The following MYH14 variants were observed in gnomAD, a reference collection of about 807,000 sequenced individuals.
MYH14 encodes the protein myosin-14.
MYH14 carries 123 observed loss-of-function variants against 255.5 expected under a neutral mutation model. That is an observed-to-expected ratio of 0.48 (90% CI 0.42 to 0.56). The LOEUF is 0.56. Ranked by LOEUF, MYH14 falls within the 20% of genes least tolerant of loss-of-function variation. The pLI, the probability that MYH14 is intolerant of heterozygous loss-of-function variation, is 0.00. For missense variants in MYH14, 2,423 were observed against 2,802.3 expected (o/e 0.86, Z 3.06); for synonymous variants, 1,095 against 1,161.2 (o/e 0.94, Z 1.16).
intron 42 of MYH14, 114 bp downstream of exon 42, chr19:50,309,291 G>A (rs546472707): frequency 1.5e-5 from 16 of 1,055,678 alleles, no homozygotes; most frequent in South Asian, 1.5e-4. Flanking sequence ...ATCCACGGGG[G>A]TGTGGGGCTG....
intron 39 of MYH14, among the ~76,000 whole-genome samples, chr19:50,294,736 C>A (rs1468433523): frequency 1.6e-4 from 24 of 145,932 alleles, no homozygotes; most frequent in South Asian, 2.2e-4. Context: ...GACCCTGTCT[C>A]AAAAAAAAAA....
At chr19:50,274,126 G>A (rs1375765620) in intron 27 of MYH14, among the ~76,000 whole-genome samples, 1 of 152,106 alleles carries the variant, frequency 6.6e-6, no homozygotes, top group Non-Finnish European at 1.5e-5. Flanking sequence ...CATACCCTGA[G>A]CCCTCAATAA....
rs1204030202 is a variant in MYH14 at position 50,307,103 on chromosome 19, G to C, written c.5733G>C (p.Glu1911Asp). Residue 1911 changes from glutamate (E) to aspartate (D), a missense_variant, in exon 41 of 43, where the codon GAG becomes GAC. Physicochemically the swap from Glu to Asp is conservative, Grantham distance 45. Transcript: ENST00000642316. ...LVRRAEKRLK[E>D]VVLQVEEERR... ...GCAGAGCTGAGAAGCGGCTTAAAGAGGTGGTGCTCCAGGTGGAGGAGGAGC... is the reference window on the plus strand; with the variant it reads ...GCAGAGCTGAGAAGCGGCTTAAAGACGTGGTGCTCCAGGTGGAGGAGGAGC... 1.3e-6 allele frequency: 2 copies of C among 1,550,818 alleles called. No homozygotes were observed. The highest frequency in any genetic ancestry group is 1.7e-6 in the Non-Finnish European group (2 of 1,146,918).
At position 50,231,944 on chromosome 19, in the gene MYH14, G is replaced by C. The variant is rs367826402; in HGVS notation, c.988G>C (p.Glu330Gln). 8 of 1,613,762 alleles carry C rather than the reference G, an allele frequency of 5.0e-6. No individual in the cohort carries two copies. Among genetic ancestry groups the C allele is most frequent in the Non-Finnish European group, 5.9e-6 (7 of 1,179,884 alleles). The change falls in exon 10 of 43, where the codon GAG becomes CAG. Residue 330 changes from glutamate (E) to glutamine (Q), a missense_variant. Physicochemically the swap from Glu to Gln is conservative, Grantham distance 29 (BLOSUM62 2). This residue lies in a region of MYH14 where 672 missense variants were observed against 881.8 expected (regional missense o/e 0.76). Transcript: ENST00000642316. ...GEQLKADLLL[E>Q]PCSHYRFLTN... ...TGTCCCTGCAGCCGACCTCCTCCTCGAGCCCTGCTCCCACTACCGGTTCCT... is the reference window on the plus strand; with the variant it reads ...TGTCCCTGCAGCCGACCTCCTCCTCCAGCCCTGCTCCCACTACCGGTTCCT...
intron 3 of MYH14, among the ~76,000 whole-genome samples, chr19:50,218,465 G>A (rs528183107): frequency 2.0e-5 from 3 of 151,876 alleles, no homozygotes; most frequent in Non-Finnish European, 4.4e-5. Context: ...GGGCCTGGTG[G>A]CGGGCACCTG....
At position 50,289,524 on chromosome 19, in the gene MYH14, C is replaced by G. The variant is rs1326527962; in HGVS notation, c.4841C>G (p.Thr1614Arg). 2 of 1,613,096 alleles carry G rather than the reference C, an allele frequency of 1.2e-6. No individual in the cohort carries two copies. Among genetic ancestry groups the G allele is most frequent in the East Asian group, 2.2e-5 (1 of 44,892 alleles). Residue 1614 changes from threonine to arginine, a missense_variant, in exon 35 of 43, where the codon ACA (threonine) becomes AGA (arginine). Physicochemically the swap from Thr to Arg is moderately conservative, Grantham distance 71. This residue lies in a region of MYH14 where 1,513 missense variants were observed against 1,674.8 expected (regional missense o/e 0.90). Transcript: ENST00000642316. ...GTGACAGAACTGGAGGATGAGCTGACAGCGGCCGAGGATGCCAAGCTGCGT... is the reference window on the plus strand; with the variant it reads ...GTGACAGAACTGGAGGATGAGCTGAGAGCGGCCGAGGATGCCAAGCTGCGT... ...AQVTELEDEL[T>R]AAEDAKLRLE...
At chr19:50,286,281 G>T in intron 33 of MYH14, 1 of 569,436 alleles carries the variant, frequency 1.8e-6, no homozygotes. Flanking sequence ...GTTAGGGACT[G>T]ATCAGTTTGA....
At position 50,210,460 on chromosome 19, in the gene MYH14, G is replaced by A. The variant is rs942607311; in HGVS notation, c.95G>A (p.Arg32His). Residue 32 changes from arginine (R) to histidine (H), a missense_variant, in exon 2 of 43, where the codon CGC (arginine) becomes CAC (histidine). Coordinates refer to ENST00000642316, the MANE Select transcript of MYH14 (RefSeq NM_001145809.2). The part of the protein sequence containing the change: ...EAAQPFLFTP[R>H]GPSAGGGPGS... ...GCCCAGCCGTTCCTGTTCACGCCCC[G>A]CGGGCCCAGCGCGGGTGGCGGGCCT... is the stretch of plus-strand genomic sequence containing the variant. The A allele has an allele frequency of 1.9e-6, 3 of 1,547,096 alleles. No individual in the cohort carries two copies. Among genetic ancestry groups the A allele is most frequent in the East Asian group, 2.5e-5 (1 of 40,578 alleles).
At chr19:50,256,263 T>C (rs2034587442) in intron 17 of MYH14, among the ~76,000 whole-genome samples, 1 of 152,080 alleles carries the variant, frequency 6.6e-6, no homozygotes, top group African/African-American at 2.4e-5. Context: ...TGGGTGACAG[T>C]GAGACTGTGT....
At position 50,217,748 on chromosome 19, in the gene MYH14, G is replaced by A. The variant is rs936097220; in HGVS notation, c.539G>A (p.Gly180Glu). ...CCCCACGTGTACGCAGTGACCGAGG[G>A]GGCCTATCGGAGCATGCTGCAGGGT... ...VPPHVYAVTEGAYRSMLQDRE... is the reference protein window; with the variant it reads ...VPPHVYAVTEEAYRSMLQDRE... The change falls in exon 3 of 43, where the codon GGG (glycine) becomes GAG (glutamate). Residue 180 changes from glycine to glutamate, a missense_variant. This residue lies in a region of MYH14 where 672 missense variants were observed against 881.8 expected (regional missense o/e 0.76). Coordinates refer to ENST00000642316, the MANE Select transcript of MYH14 (RefSeq NM_001145809.2). The A allele has an allele frequency of 6.2e-7, 1 of 1,613,834 alleles. No individual in the cohort carries two copies. Among genetic ancestry groups the A allele is most frequent in the Non-Finnish European group, 8.5e-7 (1 of 1,179,900 alleles).
chr19:50,286,379 TTCTC>T, intron 33 of MYH14, 99 bp from the exon 34 acceptor site: 1 of 1,144,448 alleles, frequency 8.7e-7, no homozygotes, highest in Non-Finnish European at 1.2e-6. Flanking sequence ...GTCTGTCTCT[TTCTC>T]TCTCTTTCTC....
Position 50,225,678 on chromosome 19 carries a change from G to A in MYH14, c.810+1G>A. 2 of 1,612,312 alleles carry A rather than the reference G, an allele frequency of 1.2e-6. No individual in the cohort carries two copies. The highest frequency in any genetic ancestry group is 1.3e-5 in the African/African-American group (1 of 75,024). On this transcript the variant is annotated splice_donor_variant, in intron 7 of 42. Transcript: ENST00000642316. LOFTEE classifies it high-confidence loss of function. ...GAAGAATGACAACTCCTCCCGATTCGTGAGTGCCAGGGGTGGGCAGTGCTG... is the reference window on the plus strand; with the variant it reads ...GAAGAATGACAACTCCTCCCGATTCATGAGTGCCAGGGGTGGGCAGTGCTG...
intron 10 of MYH14, among the ~76,000 whole-genome samples, chr19:50,240,290 C>T (rs2033837639): frequency 6.6e-6 from 1 of 152,284 alleles, no homozygotes. Context: ...ATTCATAAAC[C>T]TATGCTACGC....
At chr19:50,241,568 G>C (rs1022548161) in intron 10 of MYH14, among the ~76,000 whole-genome samples, 81 of 152,218 alleles carry the variant, frequency 5.3e-4, no homozygotes, top group African/African-American at 1.8e-3. Context: ...TTTTGATTGA[G>C]TCCTGAGCAA....
chr19:50,306,687 C>T (rs1037360741), intron 40 of MYH14, among the ~76,000 whole-genome samples: 3 of 152,102 alleles, frequency 2.0e-5, no homozygotes, highest in Non-Finnish European at 4.4e-5. Context: ...AGGATGTATT[C>T]AATTGTGAGA....
Position 50,289,612 on chromosome 19 carries a change from G to A in MYH14, c.4929G>A (p.Glu1643=), listed in dbSNP as rs1290886560. The A allele has an allele frequency of 6.2e-7, 1 of 1,612,210 alleles. No individual in the cohort carries two copies. The highest frequency in any genetic ancestry group is 8.5e-7 in the Non-Finnish European group (1 of 1,179,462). Residue 1643 remains glutamate (E), a synonymous_variant, in exon 35 of 43, where the codon GAG becomes GAA. Coordinates refer to ENST00000642316, the MANE Select transcript of MYH14 (RefSeq NM_001145809.2). ...AGCGTGACCTGCAGGGCCGTGATGA[G>A]GCTGGTGAAGAGAGGCGGAGGCAGC... is the stretch of plus-strand genomic sequence containing the variant. ...QHERDLQGRD[E]AGEERRRQLA...
chr19:50,279,692 T>C (rs2123417559), intron 30 of MYH14, among the ~76,000 whole-genome samples: 1 of 152,382 alleles, frequency 6.6e-6, no homozygotes, highest in African/African-American at 2.4e-5. Flanking sequence ...TATTGCCGAA[T>C]AATGCCCGTT....
intron 39 of MYH14, among the ~76,000 whole-genome samples, chr19:50,301,120 G>A (rs2036467588): frequency 6.6e-6 from 1 of 152,116 alleles, no homozygotes; most frequent in Non-Finnish European, 1.5e-5. Context: ...TATTATTAGG[G>A]GTGTGTTTAC....
intron 21 of MYH14, among the ~76,000 whole-genome samples, chr19:50,262,182 G>A (rs1299748126): frequency 6.6e-6 from 1 of 152,182 alleles, no homozygotes; most frequent in Non-Finnish European, 1.5e-5. Flanking sequence ...GAGCAAGCTT[G>A]TGCAAAGACC....
Sources: allele counts gnomAD v4.1 joint callset (sites outside exome capture counted in the v4.1 genomes callset), GRCh38; gene constraint gnomAD v4.1.1; regional missense constraint gnomAD v4.1.1; transcripts MANE v1.5; gene names NCBI Gene and HGNC (gene_info 2026-07-23, HGNC 2026-07-21).